GHR: variants seen among roughly 807,000 people sequenced by gnomAD.
The protein encoded by GHR is GH receptor.
In GHR, 35 loss-of-function variants were observed where a neutral mutation model predicts 67.1. The ratio of observed to expected loss-of-function variants is 0.52; its 90% CI spans 0.40 to 0.69. GHR has a LOEUF of 0.69. Ranked by LOEUF, GHR falls within the 30% of genes least tolerant of loss-of-function variation. The pLI is 0.00. For synonymous variants in GHR, 272 were observed against 269.1 expected, an observed-to-expected ratio of 1.01 and a Z score of -0.10; for missense variants, 792 against 764.6, an observed-to-expected ratio of 1.04 and a Z score of -0.42.
chr5:42,581,548 G>T (rs1218483130), intron 2 of GHR, among the ~76,000 whole-genome samples: 1 of 152,206 alleles, frequency 6.6e-6, no homozygotes, highest in Non-Finnish European at 1.5e-5. Context: ...GGACCTCAGA[G>T]GTCCTGTATT....
At position 42,711,363 on chromosome 5, in the gene GHR, T is replaced by A; in HGVS notation, c.775T>A (p.Cys259Ser). The A allele has an allele frequency of 6.2e-7, 1 of 1,609,642 alleles. No individual in the cohort carries two copies. Among genetic ancestry groups the A allele is most frequent in the Non-Finnish European group, 8.5e-7 (1 of 1,175,944 alleles). Residue 259 changes from cysteine to serine, a missense_variant, in exon 7 of 10, where the codon TGT (cysteine) becomes AGT (serine). Cys to Ser is a moderately radical substitution (Grantham distance 112). Transcript: ENST00000230882. ...ACTTCCTCAGATGAGCCAATTTACA[T>A]GTGAAGAAGGTAAAAGAAATAAAAG... ...VTLPQMSQFT[C>S]EEDFYFPWLL...
At chr5:42,563,624 CAAAAA>C (rs1168788232) in intron 1 of GHR, among the ~76,000 whole-genome samples, 1,073 of 45,080 alleles carry the variant, frequency 0.024, 13 homozygotes, top group African/African-American at 0.088. Flanking sequence ...GACTCCGTCT[CAAAAA>C]AAAAAAAAAA....
intron 1 of GHR, among the ~76,000 whole-genome samples, chr5:42,557,372 T>C (rs1283059759): frequency 6.6e-6 from 1 of 152,176 alleles, no homozygotes; most frequent in Non-Finnish European, 1.5e-5. Flanking sequence ...CTAGATGTCC[T>C]CTTCATGATA....
chr5:42,430,644 G>A (rs912099535), intron 1 of GHR, among the ~76,000 whole-genome samples: 2 of 142,076 alleles, frequency 1.4e-5, no homozygotes, highest in Admixed American at 7.1e-5. Context: ...GTGTATGTGT[G>A]TGTTTCTTCA....
At chr5:42,698,989 A>G (rs1457212364) in intron 5 of GHR, among the ~76,000 whole-genome samples, 1 of 152,208 alleles carries the variant, frequency 6.6e-6, no homozygotes, top group Admixed American at 6.5e-5. Flanking sequence ...GTGGAACTGT[A>G]GAGTATATCA....
intron 1 of GHR, among the ~76,000 whole-genome samples, chr5:42,561,112 T>C (rs1223125283): frequency 1.3e-5 from 2 of 152,230 alleles, no homozygotes; most frequent in Admixed American, 6.5e-5. Flanking sequence ...CATACTCATA[T>C]CCAGAACATT....
At chr5:42,647,315 C>A (rs773963653) in intron 3 of GHR, among the ~76,000 whole-genome samples, 32 of 152,194 alleles carry the variant, frequency 2.1e-4, no homozygotes, top group Non-Finnish European at 4.1e-4. Context: ...TGGCTCACAC[C>A]TGTAATCCCA....
At chr5:42,661,606 A>G (rs936817923) in intron 3 of GHR, among the ~76,000 whole-genome samples, 1 of 152,250 alleles carries the variant, frequency 6.6e-6, no homozygotes, top group Non-Finnish European at 1.5e-5. Flanking sequence ...TGAAGGAAGC[A>G]CTAAACATGG....
intron 2 of GHR, among the ~76,000 whole-genome samples, chr5:42,608,987 G>C (rs1752760011): frequency 1.3e-5 from 2 of 152,186 alleles, no homozygotes; most frequent in South Asian, 4.2e-4. Flanking sequence ...CTTAATTTGT[G>C]ACAAAGTAAG....
intron 5 of GHR, among the ~76,000 whole-genome samples, chr5:42,696,062 A>G (rs1461527409): frequency 1.3e-5 from 2 of 152,232 alleles, no homozygotes; most frequent in African/African-American, 2.4e-5. Flanking sequence ...GTGTCCTAAC[A>G]TCACTGGGTA....
At chr5:42,458,183 T>C (rs182655098) in intron 1 of GHR, among the ~76,000 whole-genome samples, 10 of 152,256 alleles carry the variant, frequency 6.6e-5, no homozygotes, top group Non-Finnish European at 1.5e-4. Context: ...TTTTTGTCTC[T>C]CTGAAACTGA....
chr5:42,677,317 T>G (rs917213460), intron 3 of GHR, among the ~76,000 whole-genome samples: 5 of 152,180 alleles, frequency 3.3e-5, no homozygotes, highest in African/African-American at 1.2e-4. Context: ...GCATCCTGAA[T>G]CCACAAATCC....
chr5:42,465,977 G>T, intron 1 of GHR: 6 of 641,840 alleles, frequency 9.3e-6, no homozygotes, highest in South Asian at 5.7e-5. Context: ...TTGTTGAGCA[G>T]GTCTTCTTCC....
At chr5:42,645,357 T>A (rs1754676761) in intron 3 of GHR, among the ~76,000 whole-genome samples, 1 of 152,184 alleles carries the variant, frequency 6.6e-6, no homozygotes. Context: ...ATAGCAAACA[T>A]TGCTATGTCC....
intron 3 of GHR, among the ~76,000 whole-genome samples, chr5:42,640,251 G>C (rs560798093): frequency 6.6e-6 from 1 of 152,128 alleles, no homozygotes; most frequent in East Asian, 1.9e-4. Context: ...TGGGGAGCTG[G>C]GAACCATGAG....
intron 7 of GHR, among the ~76,000 whole-genome samples, chr5:42,712,622 T>C (rs939661131): frequency 6.6e-6 from 1 of 152,058 alleles, no homozygotes; most frequent in Non-Finnish European, 1.5e-5. Flanking sequence ...AATGGCAATG[T>C]TAAGGTAAAT....
chr5:42,686,558 A>G (rs1241337687), intron 3 of GHR, among the ~76,000 whole-genome samples: 1 of 152,210 alleles, frequency 6.6e-6, no homozygotes, highest in Non-Finnish European at 1.5e-5. Context: ...CATCACAGAA[A>G]CAGAACCAGT....
At chr5:42,530,945 C>T (rs1045218332) in intron 1 of GHR, among the ~76,000 whole-genome samples, 6 of 152,246 alleles carry the variant, frequency 3.9e-5, no homozygotes, top group African/African-American at 1.2e-4. Context: ...AAATGAATGC[C>T]TATTTTAGAA....
At chr5:42,511,471 A>G (rs896751727) in intron 1 of GHR, among the ~76,000 whole-genome samples, 1 of 152,110 alleles carries the variant, frequency 6.6e-6, no homozygotes, top group African/African-American at 2.4e-5. Flanking sequence ...TTTCTCTATT[A>G]TATCTTTAGT....
Sources: gnomAD v4.1 joint callset for allele counts (sites outside exome capture counted in the v4.1 genomes callset) on GRCh38, gnomAD v4.1.1 for gene constraint, MANE v1.5 for transcripts, NCBI Gene and HGNC (gene_info 2026-07-23, HGNC 2026-07-21) for gene names.